The following ARB2A variants were observed in gnomAD, a reference collection of about 807,000 sequenced individuals.
ARB2A encodes cotranscriptional regulator ARB2A.
chr5:93,778,766 T>C, the ARB2A span, among the ~76,000 whole-genome samples: 1 of 152,198 alleles, frequency 6.6e-6, no homozygotes, highest in Non-Finnish European at 1.5e-5. Flanking sequence ...TAGGATTTTC[T>C]AGTATTAATA....
the ARB2A span, among the ~76,000 whole-genome samples, chr5:93,946,754 C>T: frequency 1.3e-5 from 2 of 152,224 alleles, no homozygotes; most frequent in African/African-American, 2.4e-5. Context: ...CTTGGTTTTA[C>T]TTGATTTTTA....
At chr5:93,978,452 C>A in the ARB2A span, among the ~76,000 whole-genome samples, 1 of 152,114 alleles carries the variant, frequency 6.6e-6, no homozygotes, top group Non-Finnish European at 1.5e-5. Flanking sequence ...AGAATGAAAT[C>A]ATGTCCTTTG....
the ARB2A span, among the ~76,000 whole-genome samples, chr5:93,833,652 T>G: frequency 6.6e-6 from 1 of 152,076 alleles, no homozygotes; most frequent in Non-Finnish European, 1.5e-5. Flanking sequence ...ATATGAGTAG[T>G]TTTCTATTTT....
chr5:93,811,902 A>T, the ARB2A span, among the ~76,000 whole-genome samples: 2 of 152,100 alleles, frequency 1.3e-5, no homozygotes, highest in Non-Finnish European at 2.9e-5. Flanking sequence ...CACTACTATG[A>T]ATTTTTTAGA....
At chr5:93,683,472 C>G in the ARB2A span, 3 of 1,593,404 alleles carry the variant, frequency 1.9e-6, no homozygotes, top group Non-Finnish European at 2.6e-6. Context: ...GTTGGCTGTA[C>G]AGACATTTTC....
the ARB2A span, among the ~76,000 whole-genome samples, chr5:94,055,137 AT>A: frequency 6.6e-6 from 1 of 152,202 alleles, no homozygotes; most frequent in East Asian, 1.9e-4. Flanking sequence ...TCATTTAAAA[AT>A]GACACAAAAA....
chr5:94,077,312 G>A, the ARB2A span, among the ~76,000 whole-genome samples: 1 of 151,682 alleles, frequency 6.6e-6, no homozygotes, highest in Non-Finnish European at 1.5e-5. Context: ...GGCAGAGGTT[G>A]CAGTGAGCCA....
chr5:94,094,081 T>C, the ARB2A span, among the ~76,000 whole-genome samples: 1 of 152,304 alleles, frequency 6.6e-6, no homozygotes, highest in South Asian at 2.1e-4. Context: ...AAGCCACATG[T>C]ACATTTTAAG....
chr5:93,933,995 ACT>A, the ARB2A span, among the ~76,000 whole-genome samples: 3 of 151,968 alleles, frequency 2.0e-5, no homozygotes, highest in Non-Finnish European at 2.9e-5. Context: ...ACAGAGCAAG[ACT>A]CTGTCTCAAA....
the ARB2A span, among the ~76,000 whole-genome samples, chr5:94,095,732 T>C: frequency 2.0e-5 from 3 of 152,116 alleles, no homozygotes; most frequent in East Asian, 5.8e-4. Context: ...CAAAACATTA[T>C]ACTAAAGTCT....
the ARB2A span, among the ~76,000 whole-genome samples, chr5:94,072,663 G>A: frequency 6.6e-6 from 1 of 151,964 alleles, no homozygotes; most frequent in African/African-American, 2.4e-5. Flanking sequence ...CATATTTTCA[G>A]AAATCCAGGT....
chr5:93,676,213 C>T, the ARB2A span, among the ~76,000 whole-genome samples: 1 of 151,958 alleles, frequency 6.6e-6, no homozygotes, highest in Non-Finnish European at 1.5e-5. Flanking sequence ...TCCATTATGA[C>T]CAAGTACAAG....
the ARB2A span, chr5:93,741,180 T>C: frequency 2.5e-6 from 4 of 1,613,760 alleles, no homozygotes; most frequent in Non-Finnish European, 3.4e-6. Context: ...CCTTGGCCAA[T>C]TGCTGCAACT....
At chr5:93,784,587 A>AT in the ARB2A span, 1 of 919,834 alleles carries the variant, frequency 1.1e-6, no homozygotes, top group East Asian at 2.6e-5. Context: ...CAATAATATT[A>AT]TATTAACAAT....
At chr5:93,728,479 T>C in the ARB2A span, among the ~76,000 whole-genome samples, 2 of 152,108 alleles carry the variant, frequency 1.3e-5, no homozygotes, top group African/African-American at 4.8e-5. Context: ...TTCTTCAATT[T>C]CCAACACTTT....
chr5:93,982,667 G>T, the ARB2A span, among the ~76,000 whole-genome samples: 1 of 152,190 alleles, frequency 6.6e-6, no homozygotes, highest in Non-Finnish European at 1.5e-5. Flanking sequence ...ACATGGTATA[G>T]CCTACTACTC....
chr5:94,083,464 A>C, the ARB2A span, among the ~76,000 whole-genome samples: 1 of 152,208 alleles, frequency 6.6e-6, no homozygotes, highest in Non-Finnish European at 1.5e-5. Flanking sequence ...ATAAAATTCA[A>C]AACCTATTTT....
At chr5:93,970,963 T>C in the ARB2A span, among the ~76,000 whole-genome samples, 7 of 152,244 alleles carry the variant, frequency 4.6e-5, no homozygotes, top group African/African-American at 1.7e-4. Context: ...GCTCTTACTA[T>C]ATTGAAAGTT....
the ARB2A span, among the ~76,000 whole-genome samples, chr5:93,933,637 C>T: frequency 6.6e-6 from 1 of 151,960 alleles, no homozygotes; most frequent in Non-Finnish European, 1.5e-5. Context: ...GAATATCACA[C>T]ACTGGGTCCC....
Sources: gnomAD v4.1 joint callset for allele counts (sites outside exome capture counted in the v4.1 genomes callset) on GRCh38, gnomAD v4.1.1 for gene constraint, MANE v1.5 for transcripts, NCBI Gene and HGNC (gene_info 2026-07-23, HGNC 2026-07-21) for gene names.